The following NBPF12 variants were observed in gnomAD, a reference collection of about 807,000 sequenced individuals.
The protein encoded by NBPF12 is NBPF member 12.
A neutral mutation model predicts 146.4 loss-of-function variants in NBPF12; 115 were observed. The observed-to-expected ratio is 0.79, with a 90% CI of 0.68 to 0.92. The LOEUF (loss-of-function observed/expected upper bound fraction) is 0.92. Among genes scored for constraint, NBPF12 ranks in the 40% least tolerant of loss-of-function variants. The pLI is 0.00. For missense variants in NBPF12, 1,205 were observed against 1,326.8 expected (o/e 0.91, Z 1.43); for synonymous variants, 385 against 508.9 (o/e 0.76, Z 3.28).
At position 146,987,238 on chromosome 1, in the gene NBPF12, TA is replaced by T. The variant is rs1657825321; in HGVS notation, c.3074del (p.Lys1025ArgfsTer23). ...CCCTGCCTGAATGTATTGCAGGAAT[TA>T]AAAAGGACCAAGAAGAGGAAGAAGA... On this transcript the variant is annotated frameshift_variant, in exon 25 of 34. Transcript: ENST00000617844. LOFTEE classifies it high-confidence loss of function. 1.4e-6 allele frequency: 1 copy of T among 732,136 alleles called. No individual in the cohort carries two copies. Among genetic ancestry groups the T allele is most frequent in the Non-Finnish European group, 2.5e-6 (1 of 396,128 alleles). 45.4% of individuals were successfully genotyped at this position (732,136 alleles called of 1,614,324 possible).
At chr1:146,962,375 T>G (rs1655906802) in intron 5 of NBPF12, 112 bp downstream of exon 8, 1 of 865,070 alleles carries the variant, frequency 1.2e-6, no homozygotes, top group Non-Finnish European at 1.9e-6. Context: ...GGGCAGAAAT[T>G]GCCATGGCAG....
At chr1:146,966,959 G>A (rs1230762286) in intron 9 of NBPF12, among the ~76,000 whole-genome samples, 5 of 150,824 alleles carry the variant, frequency 3.3e-5, no homozygotes, top group East Asian at 1.9e-4. Flanking sequence ...AGGCTCAATC[G>A]TGTTTTCAAG....
intron 5 of NBPF12, 80 bp downstream of exon 8, chr1:146,962,343 G>C (rs1655903559): frequency 2.7e-5 from 31 of 1,164,194 alleles, no homozygotes; most frequent in Non-Finnish European, 3.8e-5. Context: ...GGAGAAGTAA[G>C]AACGAAGCTG....
At chr1:146,956,365 C>A (rs1449180991) in intron 2 of NBPF12, among the ~76,000 whole-genome samples, 4 of 151,984 alleles carry the variant, frequency 2.6e-5, no homozygotes, top group Non-Finnish European at 2.9e-5. Flanking sequence ...TGATGAACTG[C>A]AAAGGGGTAC....
At position 146,973,783 on chromosome 1, in the gene NBPF12, TA is replaced by T. The variant is rs1170489558; in HGVS notation, c.1801+832del. The stretch of plus-strand genomic sequence containing the variant: ...AGCCTGGGTGACAGGGCAAGACTGT[TA>T]AAAAAAAATAATAATGAGAAATAAA... On this transcript the variant is annotated intron_variant, in intron 14 of 33. Transcript: ENST00000617844. 6.0e-4 allele frequency among the ~76,000 whole-genome samples: 85 copies of T among 142,336 alleles called. 2 individuals carry two copies. The highest frequency in any genetic ancestry group is 2.3e-3 in the African/African-American group (85 of 36,594). 93.4% of individuals were successfully genotyped at this position (142,336 alleles called of 152,430 possible). A position where few individuals can be genotyped will look rare whatever the true frequency, so the allele number is the denominator to read the frequency against.
Position 146,965,119 on chromosome 1 carries a change from C to G in NBPF12, c.778+15C>G. On this transcript the variant is annotated intron_variant, in intron 8 of 33. Coordinates refer to ENST00000617844, the Ensembl canonical transcript of NBPF12. ...CATTCTCCCAGGTAGCCTCTATTTT[C>G]CTTGTGTCTCATACCTCTGTCTAGG... 1.4e-6 allele frequency: 2 copies of G among 1,406,420 alleles called. No homozygotes were observed. The highest frequency in any genetic ancestry group is 2.3e-5 in the East Asian group (1 of 43,914). The allele number at this position is 1,406,420 out of a possible 1,614,324, so 87.1% of individuals were successfully genotyped here. A position where few individuals can be genotyped will look rare whatever the true frequency, so the allele number is the denominator to read the frequency against.
At chr1:146,971,360 T>A in exon 13 of NBPF12, 1 of 1,611,724 alleles carries the variant, frequency 6.2e-7, no homozygotes. Flanking sequence ...AATCCTCTCA[T>A]GATGAATGTC....
chr1:146,971,056 G>A (rs1278751068), intron 12 of NBPF12, 127 bp from the exon 16 acceptor site: 46 of 1,470,638 alleles, frequency 3.1e-5, no homozygotes, highest in East Asian at 4.5e-5. Flanking sequence ...CCCTCTTAAA[G>A]GGAACCTCCA....
intron 33 of NBPF12, 34 bp from the exon 37 acceptor site, chr1:146,994,298 C>T: frequency 6.2e-7 from 1 of 1,611,376 alleles, no homozygotes; most frequent in Non-Finnish European, 8.5e-7. Context: ...CTGACTTTCC[C>T]TGGCTGCTTC....
At chr1:146,970,481 A>G (rs1219702334) in intron 11 of NBPF12, among the ~76,000 whole-genome samples, 166 bp from the exon 15 acceptor site, 3 of 151,222 alleles carry the variant, frequency 2.0e-5, no homozygotes, top group Non-Finnish European at 4.4e-5. Context: ...GCATTGCCTG[A>G]TGGACCAGGA....
rs1273036024 is a variant in NBPF12, at chr1:146,964,909, G to T, written c.583G>T (p.Glu195Ter). ...GCTCATCAGGGAGGTGCAGAAGGCT[G>T]AAGAGAGCAAAGTCCCTGAGGACTC... The change falls in exon 8 of 34, where the codon GAA becomes TAA. Residue 195 changes from glutamate to a stop codon, truncating the protein, a stop_gained. Transcript: ENST00000617844. LOFTEE classifies it high-confidence loss of function. 1 of 1,604,954 alleles carries T rather than the reference G, an allele frequency of 6.2e-7. No individual in the cohort carries two copies. Among genetic ancestry groups the T allele is most frequent in the Admixed American group, 1.7e-5 (1 of 59,962 alleles).
intron 2 of NBPF12, among the ~76,000 whole-genome samples, chr1:146,955,080 A>G: frequency 9.6e-6 from 1 of 104,568 alleles, no homozygotes; most frequent in Admixed American, 1.1e-4. Flanking sequence ...CAATTTCTCA[A>G]AAGACTTGAA....
Position 146,965,652 on chromosome 1 carries a change from C to T in NBPF12, c.778+548C>T, listed in dbSNP as rs1204389963. On this transcript the variant is annotated intron_variant, in intron 8 of 33. Coordinates refer to ENST00000617844, the Ensembl canonical transcript of NBPF12. ...AAAAAAAAAAAAAAAATTAGCTGGG[C>T]GCGGTGGTGGGCACCTGTAGTCCCA... Among the ~76,000 whole-genome samples, 12 of 148,902 alleles carry T rather than the reference C, an allele frequency of 8.1e-5. 1 individual carries two copies. Among genetic ancestry groups the T allele is most frequent in the South Asian group, 4.3e-4 (2 of 4,672 alleles).
chr1:146,964,743 A>G (rs1656081932), intron 7 of NBPF12, 150 bp from the exon 11 acceptor site: 4 of 1,221,852 alleles, frequency 3.3e-6, no homozygotes, highest in African/African-American at 3.0e-5. Flanking sequence ...CAGAGAGAAG[A>G]GGATTGCCTG....
At position 146,972,901 on chromosome 1, in the gene NBPF12, AAG is replaced by A. The variant is rs1656746625; in HGVS notation, c.1746_1747del (p.Lys583MetfsTer20). 1.9e-6 allele frequency: 2 copies of A among 1,049,456 alleles called. No homozygotes were observed. The highest frequency in any genetic ancestry group is 3.0e-6 in the Non-Finnish European group (2 of 666,498). 65.0% of individuals were successfully genotyped at this position (1,049,456 alleles called of 1,614,324 possible). A position where few individuals can be genotyped will look rare whatever the true frequency, so the allele number is the denominator to read the frequency against. ...AAGAAACAGCAGTTCAGAAGCCTCAAAGAGAAATGTTTTGTAACTCAAGTGGC... is the reference window on the plus strand; with the variant it reads ...AAGAAACAGCAGTTCAGAAGCCTCAAAGAAATGTTTTGTAACTCAAGTGGC... On this transcript the variant is annotated frameshift_variant, in exon 14 of 34. Transcript: ENST00000617844. LOFTEE classifies it high-confidence loss of function.
intron 2 of NBPF12, among the ~76,000 whole-genome samples, 165 bp downstream of exon 2, chr1:146,943,727 A>C (rs1256783502): frequency 7.2e-5 from 11 of 152,146 alleles, no homozygotes; most frequent in African/African-American, 1.9e-4. Context: ...ACAAATATTC[A>C]CAGCATGTGC....
At position 146,964,498 on chromosome 1, in the gene NBPF12, T is replaced by G. The variant is rs1180155858; in HGVS notation, c.566+69T>G. 2.5e-6 allele frequency: 4 copies of G among 1,591,020 alleles called. No homozygotes were observed. In the East Asian group the frequency reaches 8.9e-5, roughly 36 times the overall value. ...GAAAATGTCTAGAAGGCACACCCTCTCTGGCATCTATGGTGGGCCAAAAGC... is the reference window on the plus strand; with the variant it reads ...GAAAATGTCTAGAAGGCACACCCTCGCTGGCATCTATGGTGGGCCAAAAGC... On this transcript the variant is annotated intron_variant, in intron 7 of 33. Coordinates refer to ENST00000617844, the Ensembl canonical transcript of NBPF12.
At chr1:146,985,985 A>T (rs1184822411) in intron 23 of NBPF12, among the ~76,000 whole-genome samples, 1 of 151,678 alleles carries the variant, frequency 6.6e-6, no homozygotes, top group African/African-American at 2.4e-5. Context: ...CCGTATGGCA[A>T]CTGCATGGAA....
intron 5 of NBPF12, among the ~76,000 whole-genome samples, chr1:146,962,658 T>C (rs1274851739): frequency 3.8e-4 from 54 of 141,264 alleles, no homozygotes; most frequent in Admixed American, 9.5e-4. Context: ...GTTGCCTTCT[T>C]GACCCTGTCA....
Sources: gnomAD v4.1 joint callset for allele counts (sites outside exome capture counted in the v4.1 genomes callset) on GRCh38, gnomAD v4.1.1 for gene constraint, MANE v1.5 for transcripts, NCBI Gene and HGNC (gene_info 2026-07-23, HGNC 2026-07-21) for gene names.